The following SYT11 variants were observed in gnomAD, a reference collection of about 807,000 sequenced individuals.
The protein encoded by SYT11 is synaptotagmin-11.
Under a neutral mutation model 30.4 loss-of-function variants are expected in SYT11, and 12 were observed. That is an observed-to-expected ratio of 0.39 (90% CI 0.25 to 0.64). The LOEUF (loss-of-function observed/expected upper bound fraction) is 0.64, where lower values mean the gene tolerates loss of function less well. Ranked by LOEUF, SYT11 falls within the 30% of genes least tolerant of loss-of-function variation. SYT11 has a pLI of 0.45. For missense variants in SYT11, 412 were observed against 552.0 expected (o/e 0.75, Z 2.54); for synonymous variants, 204 against 216.0 (o/e 0.94, Z 0.49).
Position 155,868,107 on chromosome 1 carries a change from C to G in SYT11, c.177C>G (p.Leu59=). 1.2e-6 allele frequency: 2 copies of G among 1,614,032 alleles called. No homozygotes were observed. Among genetic ancestry groups the G allele is most frequent in the Non-Finnish European group, 8.5e-7 (1 of 1,180,006 alleles). The change falls in exon 2 of 4, where the codon CTC becomes CTG. Residue 59 remains leucine (L), a synonymous_variant. Transcript: ENST00000368324. This position sits in a 1 kb window ranked among gnomAD's most constrained non-coding sequence, Gnocchi z 4.7. ...CACCATACAAGTTTATTCACATGCT[C>G]AAAGGCATCAGCATATACCCAGAGA... is the stretch of plus-strand genomic sequence containing the variant. ...KNPPYKFIHM[L]KGISIYPETL...
Position 155,884,452 on chromosome 1 carries a change from T to C in SYT11, c.*2944T>C, listed in dbSNP as rs150424715. 1 of 152,936 alleles carries C rather than the reference T, an allele frequency of 6.5e-6. No homozygotes were observed. The highest frequency in any genetic ancestry group is 1.5e-5 in the Non-Finnish European group (1 of 68,062). The allele number at this position is 152,936 out of a possible 1,614,324, so 9.5% of individuals were successfully genotyped here. A position where few individuals can be genotyped will look rare whatever the true frequency, so the allele number is the denominator to read the frequency against. On this transcript the variant is annotated 3_prime_UTR_variant, in exon 4 of 4. Transcript: ENST00000368324. Reference sequence around the variant, plus strand: ...AAAGAGGCGGACAGTGCAGGGCTCCTCCCTCCTACCTCAGGCCTGATCCAT... The same window carrying C: ...AAAGAGGCGGACAGTGCAGGGCTCCCCCCTCCTACCTCAGGCCTGATCCAT...
In SYT11 at chr1:155,881,406, G is replaced by A; in HGVS notation, c.1194G>A (p.Leu398=). Residue 398 remains leucine, a synonymous_variant, in exon 4 of 4, where the codon CTG becomes CTA. Transcript: ENST00000368324. ...TKNEVVGRLI[L]GAHSVTASGA... is the part of the protein sequence containing the mutation. Reference sequence around the variant, plus strand: ...ATGAGGTGGTGGGGAGGCTGATCCTGGGGGCACACAGTGTCACAGCCAGTG... The same window carrying A: ...ATGAGGTGGTGGGGAGGCTGATCCTAGGGGCACACAGTGTCACAGCCAGTG... 1 of 1,613,970 alleles carries A rather than the reference G, an allele frequency of 6.2e-7. No homozygotes were observed. The highest frequency in any genetic ancestry group is 8.5e-7 in the Non-Finnish European group (1 of 1,180,000).
chr1:155,871,720 G>A (rs1365353235), intron 2 of SYT11, among the ~76,000 whole-genome samples: 1 of 152,180 alleles, frequency 6.6e-6, no homozygotes, highest in Admixed American at 6.5e-5. Flanking sequence ...GAAGGCCCGA[G>A]ATAGGTTACC....
intron 2 of SYT11, among the ~76,000 whole-genome samples, chr1:155,879,377 A>G (rs1672925210): frequency 6.6e-6 from 1 of 152,172 alleles, no homozygotes; most frequent in African/African-American, 2.4e-5. Context: ...AGATCACGCC[A>G]CTGCACTCCA....
chr1:155,872,162 G>A (rs1291189219), intron 2 of SYT11, among the ~76,000 whole-genome samples: 1 of 152,208 alleles, frequency 6.6e-6, no homozygotes, highest in Non-Finnish European at 1.5e-5. Context: ...ACTTTGGAAG[G>A]CCAAGGCGGG....
In SYT11 at chr1:155,868,345, C is replaced by A; in HGVS notation, c.415C>A (p.Leu139Met). ...GEELRSPITS[L>M]TPGESKTTSP... ...AGAACTAAGGAGCCCTATTACAAGC[C>A]TGACCCCTGGGGAGAGCAAAACCAC... The change falls in exon 2 of 4, where the codon CTG (leucine) becomes ATG (methionine). Residue 139 changes from leucine (L) to methionine (M), a missense_variant. Coordinates refer to ENST00000368324, the MANE Select transcript of SYT11 (RefSeq NM_152280.5). The surrounding 1 kb of genome is among the most constrained non-coding windows in gnomAD (Gnocchi z 4.7). The A allele has an allele frequency of 6.2e-7, 1 of 1,614,054 alleles. No individual in the cohort carries two copies. Among genetic ancestry groups the A allele is most frequent in the African/African-American group, 1.3e-5 (1 of 74,994 alleles).
Position 155,868,252 on chromosome 1 carries a change from A to C in SYT11, c.322A>C (p.Lys108Gln). The C allele has an allele frequency of 6.2e-7, 1 of 1,614,070 alleles. No individual in the cohort carries two copies. The highest frequency in any genetic ancestry group is 8.5e-7 in the Non-Finnish European group (1 of 1,179,994). Reference sequence around the variant, plus strand: ...AGAGGCTGGCCTGCTAAGCCGAGACAAAGATCCCAGGGGGCCTAGCTCTGG... The same window carrying C: ...AGAGGCTGGCCTGCTAAGCCGAGACCAAGATCCCAGGGGGCCTAGCTCTGG... The part of the protein sequence containing the change: ...AAEAGLLSRD[K>Q]DPRGPSSGSC... Residue 108 changes from lysine (K) to glutamine (Q), a missense_variant, in exon 2 of 4, where the codon AAA becomes CAA. Transcript: ENST00000368324. This position sits in a 1 kb window ranked among gnomAD's most constrained non-coding sequence, Gnocchi z 4.7.
intron 1 of SYT11, among the ~76,000 whole-genome samples, chr1:155,865,148 T>C (rs1672649201): frequency 1.3e-5 from 2 of 152,220 alleles, no homozygotes; most frequent in Admixed American, 6.5e-5. Context: ...TGCTGTTTTA[T>C]TAAGCTTGTC....
chr1:155,872,627 C>T (rs1672797363), intron 2 of SYT11, among the ~76,000 whole-genome samples: 1 of 152,150 alleles, frequency 6.6e-6, no homozygotes, highest in Non-Finnish European at 1.5e-5. Flanking sequence ...CCCAACAGGG[C>T]CTTTGCCTCA....
At position 155,868,874 on chromosome 1, in the gene SYT11, T is replaced by C; in HGVS notation, c.861+83T>C. The C allele has an allele frequency of 7.5e-7, 1 of 1,325,284 alleles. No individual in the cohort carries two copies. The highest frequency in any genetic ancestry group is 1.0e-6 in the Non-Finnish European group (1 of 968,938). 82.1% of individuals were successfully genotyped at this position (1,325,284 alleles called of 1,614,324 possible). A position where few individuals can be genotyped will look rare whatever the true frequency, so the allele number is the denominator to read the frequency against. On this transcript the variant is annotated intron_variant, in intron 2 of 3. Transcript: ENST00000368324. The surrounding 1 kb of genome is among the most constrained non-coding windows in gnomAD (Gnocchi z 4.7). Reference sequence around the variant, plus strand: ...GGGATAAATGGAAGTGGGAGGGGAGTGGGTTGGGTGGCAAAGAAGGGCTGT... The same window carrying C: ...GGGATAAATGGAAGTGGGAGGGGAGCGGGTTGGGTGGCAAAGAAGGGCTGT...
Position 155,881,468 on chromosome 1 carries a change from G to T in SYT11, c.1256G>T (p.Arg419Leu), listed in dbSNP as rs749800041. The change falls in exon 4 of 4, where the codon CGC (arginine) becomes CTC (leucine). Residue 419 changes from arginine to leucine, a missense_variant. Transcript: ENST00000368324. ...EHWREVCESPRKPVAKWHSLS... is the reference protein window; with the variant it reads ...EHWREVCESPLKPVAKWHSLS... Reference sequence around the variant, plus strand: ...TGGAGAGAGGTCTGCGAGAGCCCCCGCAAGCCTGTGGCCAAGTGGCACAGT... The same window carrying T: ...TGGAGAGAGGTCTGCGAGAGCCCCCTCAAGCCTGTGGCCAAGTGGCACAGT... 1 of 1,611,582 alleles carries T rather than the reference G, an allele frequency of 6.2e-7. No homozygotes were observed.
chr1:155,867,289 C>A (rs1325746509), intron 1 of SYT11, among the ~76,000 whole-genome samples: 1 of 152,150 alleles, frequency 6.6e-6, no homozygotes. Context: ...GAACTCCTGA[C>A]CTCAAATGAT....
chr1:155,868,907 A>G lies in SYT11; in HGVS notation c.861+116A>G. ...GTGGCAAAGAAGGGCTGTAGAGAGG[A>G]AGCTCTTGGATGTCAAGGATAAGCA... On this transcript the variant is annotated intron_variant, in intron 2 of 3. Transcript: ENST00000368324. The surrounding 1 kb of genome is among the most constrained non-coding windows in gnomAD (Gnocchi z 4.7). 1 of 979,714 alleles carries G rather than the reference A, an allele frequency of 1.0e-6. No homozygotes were observed. The highest frequency in any genetic ancestry group is 2.6e-5 in the East Asian group (1 of 38,186). The allele number at this position is 979,714 out of a possible 1,614,324, so 60.7% of individuals were successfully genotyped here.
At chr1:155,881,124 GA>G in intron 3 of SYT11, 73 bp from the exon 4 acceptor site, 1 of 1,479,980 alleles carries the variant, frequency 6.8e-7, no homozygotes, top group South Asian at 1.3e-5. Flanking sequence ...TTCCCAACAT[GA>G]AATTACCATT....
In SYT11 at chr1:155,878,118, C is replaced by G. The variant is rs142758865; in HGVS notation, c.862-2382C>G. On this transcript the variant is annotated intron_variant, in intron 2 of 3. Transcript: ENST00000368324. ...TGTAGCCTGGCATGTTGGTGCACACCTGTAGTCCCAGCTACCTGGGATGCT... is the reference window on the plus strand; with the variant it reads ...TGTAGCCTGGCATGTTGGTGCACACGTGTAGTCCCAGCTACCTGGGATGCT... Among the ~76,000 whole-genome samples the G allele has an allele frequency of 2.1e-3, 313 of 152,170 alleles. 2 individuals carry two copies. The highest frequency in any genetic ancestry group is 5.5e-3 in the Admixed American group (84 of 15,278).
At chr1:155,873,146 G>A (rs1408073329) in intron 2 of SYT11, among the ~76,000 whole-genome samples, 2 of 152,120 alleles carry the variant, frequency 1.3e-5, no homozygotes, top group African/African-American at 4.8e-5. Flanking sequence ...ATCAGATGTC[G>A]GCTAGGCGCG....
In SYT11 at chr1:155,860,569, C is replaced by G. The variant is rs1672546592; in HGVS notation, c.34+774C>G. Among the ~76,000 whole-genome samples the G allele has an allele frequency of 6.6e-6, 1 of 152,112 alleles. No homozygotes were observed. Among genetic ancestry groups the G allele is most frequent in the Admixed American group, 6.5e-5 (1 of 15,270 alleles). On this transcript the variant is annotated intron_variant, in intron 1 of 3. Coordinates refer to ENST00000368324, the MANE Select transcript of SYT11 (RefSeq NM_152280.5). The surrounding 1 kb of genome is among the most constrained non-coding windows in gnomAD (Gnocchi z 4.1). The stretch of plus-strand genomic sequence containing the variant: ...TGGGCCGCCTTTTCAAAAAGGGGGA[C>G]TGACCAGCGTTGATGCTGGCGGGGG...
intron 3 of SYT11, 97 bp from the exon 4 acceptor site, chr1:155,881,101 C>G (rs1672952539): frequency 7.6e-7 from 1 of 1,321,296 alleles, no homozygotes; most frequent in African/African-American, 1.5e-5. Flanking sequence ...ATACGAACAA[C>G]AGAGCCCCCC....
rs1328535349 is a variant in SYT11 at position 155,868,714 on chromosome 1, A to T, written c.784A>T (p.Met262Leu). The change falls in exon 2 of 4, where the codon ATG (methionine) becomes TTG (leucine). Residue 262 changes from methionine (M) to leucine (L), a missense_variant. Transcript: ENST00000368324. The surrounding 1 kb of genome is among the most constrained non-coding windows in gnomAD (Gnocchi z 4.7). ...FSRDDVIGEV[M>L]VPLAGVDPST... ...TCGGGATGATGTCATTGGCGAGGTC[A>T]TGGTGCCACTGGCAGGGGTGGACCC... 3 of 1,614,226 alleles carry T rather than the reference A, an allele frequency of 1.9e-6. No homozygotes were observed. Among genetic ancestry groups the T allele is most frequent in the East Asian group, 2.2e-5 (1 of 44,886 alleles).
Sources: gnomAD v4.1 joint callset for allele counts (sites outside exome capture counted in the v4.1 genomes callset) on GRCh38, gnomAD v4.1.1 for gene constraint, Gnocchi (gnomAD v3.1) non-coding constraint, MANE v1.5 for transcripts, NCBI Gene and HGNC (gene_info 2026-07-23, HGNC 2026-07-21) for gene names.